KMT2A: variants seen among roughly 807,000 people sequenced by gnomAD.
KMT2A encodes histone-lysine N-methyltransferase 2A.
KMT2A carries 16 observed loss-of-function variants against 345.3 expected under a neutral mutation model. That is an observed-to-expected ratio of 0.05 (90% CI 0.03 to 0.07). KMT2A has a LOEUF of 0.07. Among genes scored for constraint, KMT2A ranks in the 10% least tolerant of loss-of-function variants. The pLI is 1.00. For synonymous variants in KMT2A, 1,599 were observed against 1,778.6 expected (o/e 0.90, Z 2.54); for missense variants, 3,272 against 4,841.6 (o/e 0.68, Z 9.62).
At chr11:118,460,404 C>T (rs1300248496) in intron 1 of KMT2A, among the ~76,000 whole-genome samples, 3 of 152,060 alleles carry the variant, frequency 2.0e-5, no homozygotes, top group African/African-American at 4.8e-5. Flanking sequence ...CCTCCTACCT[C>T]AGCCTCCCGA....
In KMT2A at chr11:118,510,536, C is replaced by T. The variant is rs530304742; in HGVS notation, c.11071+418C>T. Among the ~76,000 whole-genome samples the T allele has an allele frequency of 1.3e-3, 196 of 152,264 alleles. 1 individual carries two copies. The highest frequency in any genetic ancestry group is 4.1e-3 in the African/African-American group (169 of 41,532). On this transcript the variant is annotated intron_variant, in intron 30 of 35. Transcript: ENST00000534358. This position sits in a 1 kb window ranked among gnomAD's most constrained non-coding sequence, Gnocchi z 4.1. ...CTCACCCTTCAAGATCCAGCTCAGA[C>T]GGTCTTCCCTGACCTTCTGAGGTAG...
Position 118,504,747 on chromosome 11 carries a change from T to G in KMT2A, c.8855T>G (p.Leu2952Arg). The G allele has an allele frequency of 6.2e-7, 1 of 1,614,114 alleles. No individual in the cohort carries two copies. The highest frequency in any genetic ancestry group is 8.5e-7 in the Non-Finnish European group (1 of 1,180,006). ...PTVPSQNPSR[L>R]AVISDSGEKR... ...GTCCCCAGCCAGAATCCCAGTAGAC[T>G]AGCTGTTATCTCAGACTCAGGGGAG... The change falls in exon 27 of 36, where the codon CTA becomes CGA. Residue 2952 changes from leucine (L) to arginine (R), a missense_variant. Physicochemically the swap from Leu to Arg is moderately radical, Grantham distance 102. Around this residue, in one of 27 missense-constraint regions of KMT2A, gnomAD observed 748 missense variants for 922.2 expected, o/e 0.81. Transcript: ENST00000534358. This position sits in a 1 kb window ranked among gnomAD's most constrained non-coding sequence, Gnocchi z 6.4.
At position 118,478,301 on chromosome 11, in the gene KMT2A, G is replaced by A. The variant is rs144075635; in HGVS notation, c.3569+100G>A. The A allele has an allele frequency of 1.1e-4, 99 of 893,038 alleles. No individual in the cohort carries two copies. In the African/African-American group the frequency reaches 1.5e-3, roughly 14 times the overall value. The allele number at this position is 893,038 out of a possible 1,614,324, so 55.3% of individuals were successfully genotyped here. A position where few individuals can be genotyped will look rare whatever the true frequency, so the allele number is the denominator to read the frequency against. On this transcript the variant is annotated intron_variant, in intron 5 of 35. Transcript: ENST00000534358. ...GAGATACATCAGGAAACTGAATGTG[G>A]TTGTAATTGAGTTGCAAGACTTGTT...
intron 3 of KMT2A, among the ~76,000 whole-genome samples, chr11:118,474,866 TG>T (rs1950006275): frequency 6.6e-6 from 1 of 152,158 alleles, no homozygotes; most frequent in African/African-American, 2.4e-5. Context: ...GGCTCATGCC[TG>T]TAATCCCATC....
In KMT2A at chr11:118,495,164, A is replaced by T. The variant is rs76062856; in HGVS notation, c.5363+397A>T. On this transcript the variant is annotated intron_variant, in intron 18 of 35. Coordinates refer to ENST00000534358, the MANE Select transcript of KMT2A (RefSeq NM_001197104.2). The surrounding 1 kb of genome is among the most constrained non-coding windows in gnomAD (Gnocchi z 4.1). The stretch of plus-strand genomic sequence containing the variant: ...TTGATTTGATTTTATTTATTTATTT[A>T]TTTTTTTTTTTTTGAGACGGAGTCT... Among the ~76,000 whole-genome samples, 16,375 of 140,744 alleles carry T rather than the reference A, an allele frequency of 0.12. 1,176 individuals are homozygous for T. Among genetic ancestry groups the T allele is most frequent in the African/African-American group, 0.2 (7,650 of 37,738 alleles). 92.3% of individuals were successfully genotyped at this position (140,744 alleles called of 152,430 possible).
chr11:118,478,639 G>A (rs183239854), intron 5 of KMT2A, among the ~76,000 whole-genome samples: 1 of 152,246 alleles, frequency 6.6e-6, no homozygotes, highest in East Asian at 1.9e-4. Flanking sequence ...TATAATTTTT[G>A]TTGGGTCTAC....
In KMT2A at chr11:118,436,978, TC is replaced by T. The variant is rs1368554062; in HGVS notation, c.432+35del. On this transcript the variant is annotated intron_variant, in intron 1 of 35. Transcript: ENST00000534358. The surrounding 1 kb of genome is among the most constrained non-coding windows in gnomAD (Gnocchi z 6.9). ...GCGAGGAACCCCCAGGTCCGGGGTC[TC>T]GACCCTCTGCGGAGCCCCCTCCCCT... 1 of 1,401,016 alleles carries T rather than the reference TC, an allele frequency of 7.1e-7. No homozygotes were observed. The highest frequency in any genetic ancestry group is 9.4e-7 in the Non-Finnish European group (1 of 1,066,680). The allele number at this position is 1,401,016 out of a possible 1,614,324, so 86.8% of individuals were successfully genotyped here.
chr11:118,520,758 T>C lies in KMT2A; in HGVS notation c.11430-44T>C. The C allele has an allele frequency of 7.0e-7, 1 of 1,431,760 alleles. No homozygotes were observed. Among genetic ancestry groups the C allele is most frequent in the Non-Finnish European group, 9.9e-7 (1 of 1,013,818 alleles). 88.7% of individuals were successfully genotyped at this position (1,431,760 alleles called of 1,614,324 possible). A position where few individuals can be genotyped will look rare whatever the true frequency, so the allele number is the denominator to read the frequency against. ...ACCTTCGATTCAAGACTCAAAACAT[T>C]ATTTCCTGAAAAAAATTCGTTAATA... On this transcript the variant is annotated intron_variant, in intron 33 of 35. Coordinates refer to ENST00000534358, the MANE Select transcript of KMT2A (RefSeq NM_001197104.2). This position sits in a 1 kb window ranked among gnomAD's most constrained non-coding sequence, Gnocchi z 4.3.
intron 1 of KMT2A, among the ~76,000 whole-genome samples, chr11:118,445,108 G>C (rs1288068391): frequency 1.3e-5 from 2 of 151,908 alleles, no homozygotes; most frequent in Non-Finnish European, 2.9e-5. Context: ...AGTTATACCT[G>C]TATATGTATG....
chr11:118,499,708 A>G, intron 23 of KMT2A, 127 bp from the exon 24 acceptor site: 1 of 719,862 alleles, frequency 1.4e-6, no homozygotes, highest in Non-Finnish European at 2.4e-6. Flanking sequence ...TGAACCCCGG[A>G]GGCAGAGGCT....
At chr11:118,492,912 C>A (rs1950348402) in intron 15 of KMT2A, 145 bp from the exon 16 acceptor site, 1 of 671,906 alleles carries the variant, frequency 1.5e-6, no homozygotes, top group Non-Finnish European at 2.4e-6. Flanking sequence ...CTTTCCTTTT[C>A]TATTTGAGAA....
intron 1 of KMT2A, chr11:118,450,533 A>C (rs980154174): frequency 1.3e-5 from 2 of 152,196 alleles, no homozygotes; most frequent in Non-Finnish European, 2.9e-5. Flanking sequence ...GAATTGAATT[A>C]AATATTTGAA....
intron 1 of KMT2A, among the ~76,000 whole-genome samples, chr11:118,457,525 C>T (rs925607750): frequency 6.6e-6 from 1 of 151,846 alleles, no homozygotes; most frequent in Non-Finnish European, 1.5e-5. Context: ...CCTGCGTTGG[C>T]CTCCCAAAGT....
intron 8 of KMT2A, 86 bp downstream of exon 8, chr11:118,482,581 T>C (rs935854309): frequency 1.1e-6 from 1 of 950,670 alleles, no homozygotes; most frequent in African/African-American, 1.7e-5. Context: ...TCTATGTAGA[T>C]GGCAGTGGAA....
Position 118,498,293 on chromosome 11 carries a change from G to C in KMT2A, c.5803-77G>C. ...AATTGTAGGAACTGTAGAATGGGAT[G>C]AGTCTATAGAGGAGACGGTAAACGT... On this transcript the variant is annotated intron_variant, in intron 21 of 35. Transcript: ENST00000534358. The surrounding 1 kb of genome is among the most constrained non-coding windows in gnomAD (Gnocchi z 4.4). The C allele has an allele frequency of 7.5e-7, 1 of 1,328,426 alleles. No individual in the cohort carries two copies. The highest frequency in any genetic ancestry group is 1.4e-5 in the South Asian group (1 of 72,944). The allele number at this position is 1,328,426 out of a possible 1,614,324, so 82.3% of individuals were successfully genotyped here.
Position 118,472,268 on chromosome 11 carries a change from C to T in KMT2A, c.1109C>T (p.Thr370Ile). Reference protein sequence around the residue: ...IIPSSKRTDATIAKQLLQRAK... With the variant: ...IIPSSKRTDAIIAKQLLQRAK... ...CCTTCTTCAAAAAGGACAGATGCAA[C>T]CATTGCTAAGCAACTCTTACAGAGG... The change falls in exon 3 of 36, where the codon ACC becomes ATC. Residue 370 changes from threonine (T) to isoleucine (I), a missense_variant. Transcript: ENST00000534358. 1 of 1,614,096 alleles carries T rather than the reference C, an allele frequency of 6.2e-7. No individual in the cohort carries two copies. The highest frequency in any genetic ancestry group is 8.5e-7 in the Non-Finnish European group (1 of 1,180,038).
intron 1 of KMT2A, among the ~76,000 whole-genome samples, chr11:118,446,725 C>G (rs1949429765): frequency 6.6e-6 from 1 of 152,148 alleles, no homozygotes; most frequent in Non-Finnish European, 1.5e-5. Flanking sequence ...GTCTTCCCAC[C>G]TATCTTTTCA....
chr11:118,450,611 TG>T (rs1949516011), intron 1 of KMT2A: 1 of 152,220 alleles, frequency 6.6e-6, no homozygotes, highest in Non-Finnish European at 1.5e-5. Context: ...AGAGAATTAT[TG>T]TCTTAGCGCT....
chr11:118,512,603 T>A (rs1474430515), intron 31 of KMT2A, among the ~76,000 whole-genome samples: 2 of 152,246 alleles, frequency 1.3e-5, no homozygotes, highest in Non-Finnish European at 2.9e-5. Context: ...AATATTCATG[T>A]TCAAGTTATT....
Sources: gnomAD v4.1 joint callset for allele counts (sites outside exome capture counted in the v4.1 genomes callset) on GRCh38, gnomAD v4.1.1 for gene constraint, gnomAD v4.1.1 regional missense constraint, Gnocchi (gnomAD v3.1) non-coding constraint, MANE v1.5 for transcripts, NCBI Gene and HGNC (gene_info 2026-07-23, HGNC 2026-07-21) for gene names.